The following RAB4A variants were observed in gnomAD, a reference collection of about 807,000 sequenced individuals.
RAB4A encodes the protein RAB4A, member RAS oncogene family.
A neutral mutation model predicts 34.5 loss-of-function variants in RAB4A; 20 were observed. The ratio of observed to expected loss-of-function variants is 0.58; its 90% CI spans 0.41 to 0.84. The LOEUF (loss-of-function observed/expected upper bound fraction) is 0.84. Among genes scored for constraint, RAB4A ranks in the 40% least tolerant of loss-of-function variants. The probability of loss-of-function intolerance (pLI) is 0.00; values close to 1 mark genes in which losing one functional copy is unlikely to be tolerated. For missense variants in RAB4A, 228 were observed against 274.5 expected, an observed-to-expected ratio of 0.83 and a Z score of 1.20; for synonymous variants, 102 against 100.0, an observed-to-expected ratio of 1.02 and a Z score of -0.12.
intron 4 of RAB4A, among the ~76,000 whole-genome samples, chr1:229,297,001 T>A (rs1657267381): frequency 6.6e-6 from 1 of 152,218 alleles, no homozygotes. Context: ...AATTAATCTC[T>A]CTGGGCCTTG....
chr1:229,285,457 A>G (rs1656898137), intron 1 of RAB4A, among the ~76,000 whole-genome samples: 2 of 152,220 alleles, frequency 1.3e-5, no homozygotes, highest in South Asian at 4.1e-4. Flanking sequence ...AGCTAGGCCA[A>G]GCATCAGTAA....
chr1:229,287,467 T>G (rs1257556831), intron 2 of RAB4A, among the ~76,000 whole-genome samples: 1 of 152,224 alleles, frequency 6.6e-6, no homozygotes, highest in African/African-American at 2.4e-5. Flanking sequence ...CTGGATAGTT[T>G]ATTTACAAGT....
At position 229,305,120 on chromosome 1, in the gene RAB4A, TAAA is replaced by T. The variant is rs1421577426; in HGVS notation, c.*1330_*1332del. 6.5e-5 allele frequency: 103 copies of T among 1,575,264 alleles called. No homozygotes were observed. Among genetic ancestry groups the T allele is most frequent in the Non-Finnish European group, 8.8e-5 (102 of 1,162,808 alleles). On this transcript the variant is annotated 3_prime_UTR_variant, in exon 8 of 8. Transcript: ENST00000366690. ...TTAATCAGCAGAGCACAGAGACACATAAAAACTCTGGGAAATGACTAGGATAAA... is the reference window on the plus strand; with the variant it reads ...TTAATCAGCAGAGCACAGAGACACATAACTCTGGGAAATGACTAGGATAAA...
At chr1:229,284,492 G>GGGTAATTTCCTTAAA (rs1229493413) in intron 1 of RAB4A, among the ~76,000 whole-genome samples, 3 of 152,132 alleles carry the variant, frequency 2.0e-5, no homozygotes, top group African/African-American at 7.2e-5. Context: ...TGGGCTTTAA[G>GGGTAATTTCCTTAAA]GGTAATTTTT....
At position 229,302,276 on chromosome 1, in the gene RAB4A, TATATATATATATATATATATATA is replaced by T. The variant is rs1418582230; in HGVS notation, c.542-585_542-563del. On this transcript the variant is annotated intron_variant, in intron 6 of 7. Transcript: ENST00000366690. ...AAATAATTATATATATATATATATA[TATATATATATATATATATATATA>T]TATATATATATTTTTTTTTTTTTTT... 6.8e-3 allele frequency among the ~76,000 whole-genome samples: 183 copies of T among 26,990 alleles called. 4 individuals are homozygous for T. Among genetic ancestry groups the T allele is most frequent in the African/African-American group, 0.013 (79 of 6,122 alleles). The allele number at this position is 26,990 out of a possible 152,430, so 17.7% of individuals were successfully genotyped here.
At chr1:229,297,774 C>T (rs1243310493) in intron 5 of RAB4A, 138 bp downstream of exon 5, 10 of 1,025,872 alleles carry the variant, frequency 9.7e-6, no homozygotes, top group Non-Finnish European at 1.4e-5. Context: ...TTGTTTTTTT[C>T]TATAAATTAG....
Position 229,305,472 on chromosome 1 carries a change from C to T in RAB4A, c.*1679C>T. On this transcript the variant is annotated 3_prime_UTR_variant, in exon 8 of 8. Transcript: ENST00000366690. ...ACAGACACCATATATCCTTCTGCAT[C>T]CTTTGGCCAATAAAAGTTGCTGGAG... 1.9e-6 allele frequency: 1 copy of T among 526,640 alleles called. No individual in the cohort carries two copies. Among genetic ancestry groups the T allele is most frequent in the Non-Finnish European group, 3.1e-6 (1 of 317,954 alleles). The allele number at this position is 526,640 out of a possible 1,614,324, so 32.6% of individuals were successfully genotyped here.
chr1:229,295,685 C>T (rs1356289561), intron 3 of RAB4A, among the ~76,000 whole-genome samples, 163 bp from the exon 4 acceptor site: 1 of 152,168 alleles, frequency 6.6e-6, no homozygotes, highest in Non-Finnish European at 1.5e-5. Flanking sequence ...CAGAATAACC[C>T]CTCACATGTA....
At chr1:229,291,205 A>G (rs965344138) in intron 3 of RAB4A, among the ~76,000 whole-genome samples, 62 of 152,266 alleles carry the variant, frequency 4.1e-4, no homozygotes, top group African/African-American at 1.5e-3. Flanking sequence ...TAAGTGTGCA[A>G]GTAAAGGCTG....
rs375267664 is a variant in RAB4A, at chr1:229,302,604, G to A, written c.542-258G>A. Among the ~76,000 whole-genome samples, 14 of 151,664 alleles carry A rather than the reference G, an allele frequency of 9.2e-5. No individual in the cohort carries two copies. In the East Asian group the frequency reaches 1.6e-3, roughly 17 times the overall value. On this transcript the variant is annotated intron_variant, in intron 6 of 7. Transcript: ENST00000366690. ...AAATTCAAGAAGTATAAAAGAGTAT[G>A]CAATGAAAAGTCCCCCTGTTACCAC...
At chr1:229,286,095 C>G (rs1656917318) in intron 1 of RAB4A, among the ~76,000 whole-genome samples, 1 of 152,204 alleles carries the variant, frequency 6.6e-6, no homozygotes, top group South Asian at 2.1e-4. Flanking sequence ...GAGGTAGACT[C>G]TTCAAAGTCT....
At chr1:229,283,997 A>G (rs1267478749) in intron 1 of RAB4A, among the ~76,000 whole-genome samples, 1 of 151,610 alleles carries the variant, frequency 6.6e-6, no homozygotes, top group Non-Finnish European at 1.5e-5. Flanking sequence ...TTGGCCTCCC[A>G]AAGTGCAGGA....
At chr1:229,286,769 T>C (rs1258970576) in intron 2 of RAB4A, among the ~76,000 whole-genome samples, 1 of 152,256 alleles carries the variant, frequency 6.6e-6, no homozygotes, top group Non-Finnish European at 1.5e-5. Context: ...AGTATATGGT[T>C]ACTTCTACTG....
Position 229,275,869 on chromosome 1 carries a change from G to A in RAB4A, c.31+4499G>A, listed in dbSNP as rs530858364. On this transcript the variant is annotated intron_variant, in intron 1 of 7. Coordinates refer to ENST00000366690, the MANE Select transcript of RAB4A (RefSeq NM_004578.4). ...TCCAAACTCCTGACCTCATGATCCC[G>A]CCCTTCTCAGCCTCCCAGAGTGCTG... Among the ~76,000 whole-genome samples the A allele has an allele frequency of 3.4e-5, 5 of 148,188 alleles. No individual in the cohort carries two copies. The East Asian group carries it at 5.8e-4, about 17-fold the overall frequency.
intron 1 of RAB4A, among the ~76,000 whole-genome samples, chr1:229,277,410 G>C (rs192725178): frequency 6.6e-6 from 1 of 151,088 alleles, no homozygotes; most frequent in Non-Finnish European, 1.5e-5. Context: ...TCTACAGGTC[G>C]TGTGCTCTTC....
At chr1:229,271,465 C>T in intron 1 of RAB4A, 95 bp downstream of exon 1, 3 of 1,032,920 alleles carry the variant, frequency 2.9e-6, no homozygotes, top group Non-Finnish European at 3.6e-6. Flanking sequence ...TTGAGGGTGG[C>T]GGTGGCGCCG....
rs554357882 is a variant in RAB4A at position 229,295,075 on chromosome 1, T to C, written c.228-773T>C. Among the ~76,000 whole-genome samples the C allele has an allele frequency of 1.6e-4, 24 of 151,742 alleles. 1 individual carries two copies. In the South Asian group the frequency reaches 2.5e-3, roughly 16 times the overall value. On this transcript the variant is annotated intron_variant, in intron 3 of 7. Coordinates refer to ENST00000366690, the MANE Select transcript of RAB4A (RefSeq NM_004578.4). The stretch of plus-strand genomic sequence containing the variant: ...CCTGGGATCAAACAGTCCTTCTGTC[T>C]CAGCCTCCTGAGTAGCTGGGATTAC...
intron 1 of RAB4A, 116 bp downstream of exon 1, chr1:229,271,486 G>C (rs7519709): frequency 0.42 from 374,574 of 893,758 alleles, 79,620 homozygotes; most frequent in Admixed American, 0.45. Flanking sequence ...GCCGGAGCCG[G>C]GGGACGGATC....
chr1:229,276,687 G>A (rs1007735905), intron 1 of RAB4A, among the ~76,000 whole-genome samples: 1 of 151,482 alleles, frequency 6.6e-6, no homozygotes, highest in South Asian at 2.1e-4. Context: ...GGGTTTCAGA[G>A]TCTTTTGAGC....
Sources: gnomAD v4.1 joint callset for allele counts (sites outside exome capture counted in the v4.1 genomes callset) on GRCh38, gnomAD v4.1.1 for gene constraint, MANE v1.5 for transcripts, NCBI Gene and HGNC (gene_info 2026-07-23, HGNC 2026-07-21) for gene names.